AATF: variants seen among roughly 807,000 people sequenced by gnomAD.
The protein encoded by AATF is apoptosis antagonizing transcription factor, also known as protein AATF.
Under a neutral mutation model 63.7 loss-of-function variants are expected in AATF, and 48 were observed. That is an observed-to-expected ratio of 0.75 (90% CI 0.60 to 0.96). The LOEUF (loss-of-function observed/expected upper bound fraction) is 0.96, where lower values mean the gene tolerates loss of function less well. Ranked by LOEUF, AATF falls within the 40% of genes least tolerant of loss-of-function variation. The probability of loss-of-function intolerance (pLI) is 0.00; values close to 1 mark genes in which losing one functional copy is unlikely to be tolerated. For missense variants in AATF, 639 were observed against 685.7 expected (o/e 0.93, Z 0.76); for synonymous variants, 258 against 247.7 (o/e 1.04, Z -0.39).
At chr17:37,039,111 C>A (rs191450218) in intron 11 of AATF, among the ~76,000 whole-genome samples, 1 of 152,184 alleles carries the variant, frequency 6.6e-6, no homozygotes, top group African/African-American at 2.4e-5. Context: ...CTTGCTCCCC[C>A]CTACCTATAT....
intron 11 of AATF, among the ~76,000 whole-genome samples, chr17:37,039,204 C>T (rs900903793): frequency 1.3e-5 from 2 of 152,182 alleles, no homozygotes; most frequent in African/African-American, 4.8e-5. Context: ...CTAATAACCC[C>T]TGAAATACCC....
At chr17:36,971,577 T>C (rs890422391) in intron 4 of AATF, among the ~76,000 whole-genome samples, 8 of 152,236 alleles carry the variant, frequency 5.3e-5, no homozygotes, top group African/African-American at 1.9e-4. Context: ...CTGTCTTAGA[T>C]ATCTGCCCTA....
At chr17:36,968,738 T>C (rs1474568445) in intron 4 of AATF, among the ~76,000 whole-genome samples, 2 of 151,874 alleles carry the variant, frequency 1.3e-5, no homozygotes, top group African/African-American at 4.8e-5. Flanking sequence ...CTTCCTGCCT[T>C]AGCCTCCTGA....
At chr17:36,955,457 C>G (rs1029237154) in intron 4 of AATF, among the ~76,000 whole-genome samples, 1 of 152,154 alleles carries the variant, frequency 6.6e-6, no homozygotes. Context: ...CCGCCCCTGT[C>G]TTTGCCTCCT....
At chr17:36,994,957 A>G (rs2071243308) in intron 8 of AATF, among the ~76,000 whole-genome samples, 1 of 152,250 alleles carries the variant, frequency 6.6e-6, no homozygotes, top group African/African-American at 2.4e-5. Flanking sequence ...GCACTTAGCA[A>G]TAAGCTATAT....
intron 2 of AATF, among the ~76,000 whole-genome samples, chr17:36,952,285 C>A (rs1360591113): frequency 6.6e-6 from 1 of 152,216 alleles, no homozygotes; most frequent in Non-Finnish European, 1.5e-5. Flanking sequence ...GTACTAATGA[C>A]CTTGTAATAT....
chr17:36,974,448 T>C (rs1353165839), intron 4 of AATF, among the ~76,000 whole-genome samples: 2 of 152,222 alleles, frequency 1.3e-5, no homozygotes, highest in Non-Finnish European at 2.9e-5. Context: ...AACATCATTA[T>C]TAGTAAATCT....
intron 11 of AATF, among the ~76,000 whole-genome samples, chr17:37,048,337 T>A (rs889487289): frequency 6.6e-6 from 1 of 151,542 alleles, no homozygotes; most frequent in Non-Finnish European, 1.5e-5. Flanking sequence ...CAATCCAGCC[T>A]TCTTGGGGAG....
Position 37,002,671 on chromosome 17 carries a change from C to CA in AATF, c.1398+11826dup, listed in dbSNP as rs1216059829. On this transcript the variant is annotated intron_variant, in intron 8 of 11. Transcript: ENST00000619387. ...TGGGTGAAAGAGCAAGACTCCATCTCAAAAAAAAAAAAGCATCTAAAATAA... is the reference window on the plus strand; with the variant it reads ...TGGGTGAAAGAGCAAGACTCCATCTCAAAAAAAAAAAAAGCATCTAAAATAA... Among the ~76,000 whole-genome samples, 117 of 122,146 alleles carry CA rather than the reference C, an allele frequency of 9.6e-4. 2 individuals are homozygous for CA. In the East Asian group the frequency reaches 0.01, roughly 11 times the overall value. 80.1% of individuals were successfully genotyped at this position (122,146 alleles called of 152,430 possible). A position where few individuals can be genotyped will look rare whatever the true frequency, so the allele number is the denominator to read the frequency against.
chr17:36,966,185 C>T (rs932893596), intron 4 of AATF, among the ~76,000 whole-genome samples: 4 of 151,612 alleles, frequency 2.6e-5, no homozygotes, highest in East Asian at 1.9e-4. Context: ...GTTTATGTTC[C>T]GAAAGATTTT....
At chr17:37,029,271 T>C (rs2071534307) in intron 10 of AATF, among the ~76,000 whole-genome samples, 1 of 151,400 alleles carries the variant, frequency 6.6e-6, no homozygotes, top group African/African-American at 2.4e-5. Context: ...TGAGACAGAG[T>C]CTTGCTCTGT....
At chr17:37,017,260 G>A (rs2071435742) in intron 8 of AATF, among the ~76,000 whole-genome samples, 1 of 152,122 alleles carries the variant, frequency 6.6e-6, no homozygotes, top group African/African-American at 2.4e-5. Context: ...AACGAGGTAA[G>A]GGCAATGAAA....
intron 4 of AATF, among the ~76,000 whole-genome samples, chr17:36,968,746 T>C (rs946392258): frequency 6.6e-6 from 1 of 151,982 alleles, no homozygotes; most frequent in Non-Finnish European, 1.5e-5. Flanking sequence ...CTTAGCCTCC[T>C]GAGTAGCTAG....
chr17:36,988,443 C>G, intron 5 of AATF, 76 bp from the exon 6 acceptor site: 1 of 1,426,772 alleles, frequency 7.0e-7, no homozygotes, highest in South Asian at 1.2e-5. Context: ...ATTCTCAGTC[C>G]TTTATGTGAG....
At chr17:36,970,283 G>A (rs746877854) in intron 4 of AATF, among the ~76,000 whole-genome samples, 20 of 152,130 alleles carry the variant, frequency 1.3e-4, no homozygotes, top group Non-Finnish European at 2.4e-4. Flanking sequence ...CATTTGGTAT[G>A]TTCTTAATTT....
At chr17:37,049,116 G>A (rs2071723245) in intron 11 of AATF, among the ~76,000 whole-genome samples, 2 of 152,110 alleles carry the variant, frequency 1.3e-5, no homozygotes, top group Admixed American at 6.6e-5. Flanking sequence ...TAAGATTCAG[G>A]GGGCTAAGTA....
intron 8 of AATF, among the ~76,000 whole-genome samples, chr17:37,013,098 A>G (rs1223552289): frequency 2.0e-5 from 3 of 152,360 alleles, no homozygotes; most frequent in Non-Finnish European, 2.9e-5. Flanking sequence ...TCCAGAATAT[A>G]TAAAGAACTC....
intron 11 of AATF, among the ~76,000 whole-genome samples, chr17:37,050,738 A>G (rs576503827): frequency 6.6e-6 from 1 of 152,176 alleles, no homozygotes; most frequent in Admixed American, 6.5e-5. Context: ...TCTGCAATGT[A>G]TGTATGGGAT....
At chr17:36,951,543 G>A (rs2070855124) in intron 2 of AATF, among the ~76,000 whole-genome samples, 1 of 152,138 alleles carries the variant, frequency 6.6e-6, no homozygotes, top group Admixed American at 6.5e-5. Context: ...CAATTGCGCA[G>A]GAAGTTATTA....
Sources: allele counts gnomAD v4.1 joint callset (sites outside exome capture counted in the v4.1 genomes callset), GRCh38; gene constraint gnomAD v4.1.1; transcripts MANE v1.5; gene names NCBI Gene and HGNC (gene_info 2026-07-23, HGNC 2026-07-21).